Variants in CRADD observed in about 807,000 individuals in gnomAD.
The protein encoded by CRADD is death domain-containing protein CRADD.
CRADD carries 9 observed loss-of-function variants against 15.5 expected under a neutral mutation model. The ratio of observed to expected loss-of-function variants is 0.58; its 90% CI spans 0.35 to 1.01. The LOEUF (loss-of-function observed/expected upper bound fraction) is 1.01, where lower values mean the gene tolerates loss of function less well. CRADD is among the 50% of genes least tolerant of loss of function. CRADD has a pLI of 0.02. For synonymous variants in CRADD, 118 were observed against 107.6 expected (o/e 1.10, Z -0.60); for missense variants, 227 against 250.3 (o/e 0.91, Z 0.63).
chr12:93,705,430 G>A (rs1018048652), intron 2 of CRADD, among the ~76,000 whole-genome samples: 1 of 152,158 alleles, frequency 6.6e-6, no homozygotes, highest in Non-Finnish European at 1.5e-5. Context: ...AGTTTTCTGT[G>A]CTCTAGGGAC....
intron 2 of CRADD, among the ~76,000 whole-genome samples, chr12:93,722,516 C>A (rs746387098): frequency 2.0e-5 from 3 of 151,902 alleles, no homozygotes; most frequent in African/African-American, 7.3e-5. Flanking sequence ...CTTGGATATT[C>A]TGTTTTTCAG....
intron 2 of CRADD, among the ~76,000 whole-genome samples, chr12:93,760,930 G>C (rs1956947812): frequency 2.0e-5 from 3 of 151,284 alleles, no homozygotes; most frequent in Admixed American, 2.0e-4. Flanking sequence ...TGATGATCAA[G>C]GGGAAGACTG....
intron 2 of CRADD, among the ~76,000 whole-genome samples, chr12:93,827,074 TA>T (rs1488935203): frequency 6.6e-4 from 101 of 152,308 alleles, no homozygotes; most frequent in African/African-American, 2.2e-3. Flanking sequence ...TATTGAGGTA[TA>T]ATTGACATAC....
chr12:93,776,501 G>C (rs174826), intron 2 of CRADD, among the ~76,000 whole-genome samples: 146,372 of 152,326 alleles, frequency 0.96, 70,383 homozygotes, highest in East Asian at 1. Flanking sequence ...GTTTCCTAAG[G>C]CTTTTTCTTT....
chr12:93,746,497 C>A (rs1256755625), intron 2 of CRADD, among the ~76,000 whole-genome samples: 4 of 152,150 alleles, frequency 2.6e-5, no homozygotes, highest in African/African-American at 9.7e-5. Flanking sequence ...GACGTGGAAC[C>A]TGATAATTTT....
chr12:93,716,236 A>G (rs1956160799), intron 2 of CRADD, among the ~76,000 whole-genome samples: 1 of 152,114 alleles, frequency 6.6e-6, no homozygotes, highest in African/African-American at 2.4e-5. Context: ...GAGCAGTTTT[A>G]GATTCCCAGC....
At chr12:93,800,762 GA>G (rs1957468916) in intron 2 of CRADD, among the ~76,000 whole-genome samples, 1 of 152,162 alleles carries the variant, frequency 6.6e-6, no homozygotes. Flanking sequence ...CTAATACAGT[GA>G]GGGTGATCTT....
chr12:93,794,902 TTCTC>T (rs1388040256), intron 2 of CRADD, among the ~76,000 whole-genome samples: 2 of 152,298 alleles, frequency 1.3e-5, no homozygotes, highest in African/African-American at 4.8e-5. Flanking sequence ...TGCAGTTCTC[TTCTC>T]TCTCCCTGCT....
intron 2 of CRADD, among the ~76,000 whole-genome samples, chr12:93,810,395 A>T (rs957747428): frequency 6.6e-6 from 1 of 151,708 alleles, no homozygotes; most frequent in African/African-American, 2.4e-5. Flanking sequence ...CTAAAAATAT[A>T]AAAAAATTAG....
At chr12:93,762,018 A>T (rs1368954471) in intron 2 of CRADD, among the ~76,000 whole-genome samples, 1 of 152,192 alleles carries the variant, frequency 6.6e-6, no homozygotes, top group East Asian at 1.9e-4. Flanking sequence ...ATACTACCCT[A>T]CTTCAATAAA....
intron 2 of CRADD, among the ~76,000 whole-genome samples, chr12:93,736,989 G>T (rs1956581651): frequency 6.6e-6 from 1 of 152,208 alleles, no homozygotes; most frequent in Non-Finnish European, 1.5e-5. Flanking sequence ...GGTGAGACCA[G>T]ACATATGAGC....
intron 2 of CRADD, among the ~76,000 whole-genome samples, chr12:93,760,171 G>A (rs1390205806): frequency 2.0e-5 from 3 of 152,170 alleles, no homozygotes; most frequent in Admixed American, 6.5e-5. Context: ...AGAAATGTTA[G>A]CCAAAGGAGT....
chr12:93,701,432 G>A (rs991033409), intron 2 of CRADD, among the ~76,000 whole-genome samples: 3 of 152,164 alleles, frequency 2.0e-5, no homozygotes, highest in Admixed American at 1.3e-4. Context: ...TCCTTGGCAC[G>A]TGATTTCCAC....
chr12:93,865,128 T>G (rs1387836366), intron 2 of CRADD, among the ~76,000 whole-genome samples: 1 of 152,188 alleles, frequency 6.6e-6, no homozygotes, highest in Non-Finnish European at 1.5e-5. Context: ...TAGTAGTAGA[T>G]GCTAAAGTAA....
At position 93,889,834 on chromosome 12, in the gene CRADD, A is replaced by C. The variant is rs189834396; in HGVS notation, c.299-4216A>C. ...ATCATGGTGCCATGGAGAGAAGGTA[A>C]AGTGGAGATCACCAGGGCTTGGGGC... On this transcript the variant is annotated intron_variant, in intron 2 of 2. Coordinates refer to the CRADD transcript ENST00000548483. 3.9e-5 allele frequency among the ~76,000 whole-genome samples: 6 copies of C among 152,322 alleles called. No individual in the cohort carries two copies. In the East Asian group the frequency reaches 1.2e-3, roughly 29 times the overall value.
At chr12:93,792,261 C>T (rs919038903) in intron 2 of CRADD, among the ~76,000 whole-genome samples, 19 of 152,036 alleles carry the variant, frequency 1.2e-4, no homozygotes, top group Admixed American at 3.3e-4. Context: ...GCTTAGAAAG[C>T]AAGGAGTTAG....
intron 2 of CRADD, among the ~76,000 whole-genome samples, chr12:93,889,454 A>T (rs556606075): frequency 6.6e-6 from 1 of 152,324 alleles, no homozygotes; most frequent in African/African-American, 2.4e-5. Flanking sequence ...ACTGAAATTC[A>T]TGATGACAGA....
At chr12:93,767,783 T>TA (rs1957041302) in intron 2 of CRADD, among the ~76,000 whole-genome samples, 1 of 152,240 alleles carries the variant, frequency 6.6e-6, no homozygotes, top group Non-Finnish European at 1.5e-5. Flanking sequence ...TCTTCAGCAG[T>TA]ATACCACAGA....
chr12:93,796,172 A>C (rs554069057), intron 2 of CRADD, among the ~76,000 whole-genome samples: 16 of 152,030 alleles, frequency 1.1e-4, no homozygotes, highest in Non-Finnish European at 1.8e-4. Flanking sequence ...AATATATCTT[A>C]AGGGAACACT....
Sources: allele counts gnomAD v4.1 joint callset (sites outside exome capture counted in the v4.1 genomes callset), GRCh38; gene constraint gnomAD v4.1.1; transcripts MANE v1.5; gene names NCBI Gene and HGNC (gene_info 2026-07-23, HGNC 2026-07-21).